CCDC172: variants seen among roughly 807,000 people sequenced by gnomAD.
The protein encoded by CCDC172 is coiled-coil domain containing 172, also known as coiled-coil domain-containing protein 172.
Under a neutral mutation model 38.0 loss-of-function variants are expected in CCDC172, and 30 were observed. That is an observed-to-expected ratio of 0.79 (90% confidence interval 0.59 to 1.07). The LOEUF (loss-of-function observed/expected upper bound fraction) is 1.07. Among genes scored for constraint, CCDC172 ranks in the 50% least tolerant of loss-of-function variants. The probability of loss-of-function intolerance (pLI) is 0.00; values close to 1 mark genes in which losing one functional copy is unlikely to be tolerated. For synonymous variants in CCDC172, 78 were observed against 88.3 expected, an observed-to-expected ratio of 0.88 and a Z score of 0.66; for missense variants, 297 against 290.1, an observed-to-expected ratio of 1.02 and a Z score of -0.17.
At chr10:116,350,086 A>G (rs2134937242) in intron 5 of CCDC172, among the ~76,000 whole-genome samples, 1 of 152,296 alleles carries the variant, frequency 6.6e-6, no homozygotes, top group East Asian at 1.9e-4. Context: ...GAGTTAAAGG[A>G]GAGGTCATGA....
chr10:116,359,750 A>G (rs1483305155), intron 7 of CCDC172, among the ~76,000 whole-genome samples: 1 of 152,250 alleles, frequency 6.6e-6, no homozygotes, highest in Non-Finnish European at 1.5e-5. Flanking sequence ...AATCTTTAAT[A>G]TTAATTCATT....
intron 5 of CCDC172, among the ~76,000 whole-genome samples, chr10:116,348,530 A>G (rs752913025): frequency 1.3e-5 from 2 of 152,068 alleles, no homozygotes; most frequent in African/African-American, 2.4e-5. Context: ...GCCAGATATT[A>G]TCTTTGATTT....
At position 116,340,716 on chromosome 10, in the gene CCDC172, T is replaced by A. The variant is rs773084922; in HGVS notation, c.166-18T>A. 5.7e-6 allele frequency: 7 copies of A among 1,232,030 alleles called. No homozygotes were observed. The highest frequency in any genetic ancestry group is 8.3e-6 in the Non-Finnish European group (7 of 847,992). The allele number at this position is 1,232,030 out of a possible 1,614,324, so 76.3% of individuals were successfully genotyped here. The stretch of plus-strand genomic sequence containing the variant: ...TAATTAATTGTTTTATTCTGATTTC[T>A]GTTTTTGTACTTTGAAGGTTCAACA... On this transcript the variant is annotated intron_variant, in intron 3 of 8. Transcript: ENST00000333254.
chr10:116,344,244 G>A (rs896371091), intron 5 of CCDC172, among the ~76,000 whole-genome samples: 3 of 152,134 alleles, frequency 2.0e-5, no homozygotes, highest in African/African-American at 7.2e-5. Context: ...TCTGAGAAAT[G>A]CATTCTTAGT....
intron 7 of CCDC172, 68 bp from the exon 8 acceptor site, chr10:116,378,355 C>T: frequency 2.8e-6 from 4 of 1,416,490 alleles, no homozygotes; most frequent in South Asian, 3.0e-5. Flanking sequence ...CAAACTTGTC[C>T]CTCTCTGTGC....
chr10:116,356,388 G>GAGGGAGGAAGGAAGGA (rs1565719657), intron 5 of CCDC172, among the ~76,000 whole-genome samples: 1 of 144,054 alleles, frequency 6.9e-6, no homozygotes, highest in African/African-American at 2.6e-5. Context: ...GGGAGGGAGG[G>GAGGGAGGAAGGAAGGA]AGGAAGGAAG....
At chr10:116,334,996 A>G (rs1421838321) in intron 3 of CCDC172, among the ~76,000 whole-genome samples, 1 of 151,940 alleles carries the variant, frequency 6.6e-6, no homozygotes, top group Non-Finnish European at 1.5e-5. Flanking sequence ...GCTTTTTATT[A>G]TAGATATTCT....
intron 7 of CCDC172, among the ~76,000 whole-genome samples, chr10:116,377,520 G>A (rs1343923223): frequency 2.6e-5 from 4 of 152,160 alleles, no homozygotes; most frequent in East Asian, 3.9e-4. Flanking sequence ...CCCAATGCAC[G>A]TTAATAAAAT....
At chr10:116,377,662 G>A (rs1845264074) in intron 7 of CCDC172, among the ~76,000 whole-genome samples, 1 of 152,102 alleles carries the variant, frequency 6.6e-6, no homozygotes, top group South Asian at 2.1e-4. Flanking sequence ...TTTTAATTAT[G>A]TGTGTATATT....
chr10:116,345,846 G>A (rs1470432688), intron 5 of CCDC172, among the ~76,000 whole-genome samples: 1 of 152,082 alleles, frequency 6.6e-6, no homozygotes, highest in Non-Finnish European at 1.5e-5. Flanking sequence ...TGGTAGTGAT[G>A]GGAATGTAAA....
At chr10:116,334,192 G>A (rs552814889) in intron 3 of CCDC172, among the ~76,000 whole-genome samples, 1 of 152,264 alleles carries the variant, frequency 6.6e-6, no homozygotes, top group Non-Finnish European at 1.5e-5. Flanking sequence ...CTGAGCTCCC[G>A]CTCCTCCCCG....
At chr10:116,365,637 T>C (rs1845114155) in intron 7 of CCDC172, among the ~76,000 whole-genome samples, 1 of 152,178 alleles carries the variant, frequency 6.6e-6, no homozygotes, top group Non-Finnish European at 1.5e-5. Context: ...TCTTTCCTTA[T>C]TAAGCATTCC....
chr10:116,364,102 T>C (rs1033269122), intron 7 of CCDC172, among the ~76,000 whole-genome samples: 1 of 152,134 alleles, frequency 6.6e-6, no homozygotes, highest in Non-Finnish European at 1.5e-5. Context: ...ATTAAATTAG[T>C]GGTTCTTTAT....
chr10:116,357,868 A>G lies in CCDC172; in HGVS notation c.583A>G (p.Thr195Ala), dbSNP rs1845018305. The change falls in exon 7 of 9, where the codon ACT becomes GCT. Residue 195 changes from threonine (T) to alanine (A), a missense_variant. Coordinates refer to ENST00000333254, the MANE Select transcript of CCDC172 (RefSeq NM_198515.3). ...FEDEENESIC[T>A]TKYLEAEKIK... ...AGATGAAGAGAATGAATCCATTTGT[A>G]CTACCAAATATCTAGAGGCAGAAAA... 1 of 1,549,666 alleles carries G rather than the reference A, an allele frequency of 6.5e-7. No homozygotes were observed. The highest frequency in any genetic ancestry group is 2.3e-5 in the East Asian group (1 of 43,804).
At chr10:116,331,337 G>A (rs1220641277) in intron 3 of CCDC172, among the ~76,000 whole-genome samples, 1 of 152,070 alleles carries the variant, frequency 6.6e-6, no homozygotes, top group East Asian at 1.9e-4. Context: ...CCTCTCTGTA[G>A]AGGCCCCTCC....
intron 7 of CCDC172, among the ~76,000 whole-genome samples, chr10:116,369,321 A>C (rs1845159808): frequency 1.3e-5 from 2 of 151,922 alleles, no homozygotes; most frequent in Admixed American, 1.3e-4. Flanking sequence ...GTTTCATTCC[A>C]TTCTCTATCC....
chr10:116,329,347 T>C (rs193148260), intron 3 of CCDC172, among the ~76,000 whole-genome samples: 4 of 152,272 alleles, frequency 2.6e-5, no homozygotes, highest in Admixed American at 2.0e-4. Flanking sequence ...GGCTGTTTTT[T>C]CTTGGATATG....
intron 5 of CCDC172, among the ~76,000 whole-genome samples, chr10:116,345,111 A>G (rs1844849934): frequency 6.6e-6 from 1 of 152,204 alleles, no homozygotes; most frequent in South Asian, 2.1e-4. Flanking sequence ...AATTTACTCA[A>G]ATTCTATAGT....
At chr10:116,332,933 T>C (rs1844683385) in intron 3 of CCDC172, among the ~76,000 whole-genome samples, 1 of 152,156 alleles carries the variant, frequency 6.6e-6, no homozygotes, top group Non-Finnish European at 1.5e-5. Context: ...GTATTAGTTT[T>C]AGTTATTTAA....
Sources: gnomAD v4.1 joint callset for allele counts (sites outside exome capture counted in the v4.1 genomes callset) on GRCh38, gnomAD v4.1.1 for gene constraint, MANE v1.5 for transcripts, NCBI Gene and HGNC (gene_info 2026-07-23, HGNC 2026-07-21) for gene names.